STK32A: variants seen among roughly 807,000 people sequenced by gnomAD.
STK32A encodes the protein serine/threonine-protein kinase 32A.
In STK32A, 41 loss-of-function variants were observed where a neutral mutation model predicts 53.2. That is an observed-to-expected ratio of 0.77 (90% confidence interval 0.60 to 1.00). STK32A has a LOEUF of 1.00. STK32A is among the 50% of genes least tolerant of loss of function. The probability of loss-of-function intolerance (pLI) is 0.00; values close to 1 mark genes in which losing one functional copy is unlikely to be tolerated. For synonymous variants in STK32A, 166 were observed against 162.8 expected (o/e 1.02, Z -0.15); for missense variants, 458 against 485.8 (o/e 0.94, Z 0.54).
chr5:147,313,258 A>C (rs1038370941), intron 4 of STK32A, among the ~76,000 whole-genome samples: 1 of 152,018 alleles, frequency 6.6e-6, no homozygotes, highest in Non-Finnish European at 1.5e-5. Flanking sequence ...AAATAACAAC[A>C]ACAACAAACA....
intron 2 of STK32A, among the ~76,000 whole-genome samples, chr5:147,242,135 C>A (rs1255764945): frequency 1.3e-5 from 2 of 152,282 alleles, no homozygotes; most frequent in African/African-American, 2.4e-5. Context: ...AGGTCACCAC[C>A]TTTTCTGTTG....
chr5:147,357,419 A>G (rs892197227), intron 7 of STK32A, among the ~76,000 whole-genome samples: 22 of 152,084 alleles, frequency 1.4e-4, no homozygotes, highest in Admixed American at 9.2e-4. Flanking sequence ...CTCATTTTCT[A>G]TTAAGGTGTT....
At chr5:147,324,885 AC>A (rs1754503389) in intron 5 of STK32A, among the ~76,000 whole-genome samples, 2 of 152,196 alleles carry the variant, frequency 1.3e-5, no homozygotes, top group Admixed American at 1.3e-4. Flanking sequence ...TTGATGACTT[AC>A]TATGTGCCAG....
intron 2 of STK32A, among the ~76,000 whole-genome samples, chr5:147,254,997 G>T (rs960098143): frequency 6.6e-6 from 1 of 152,256 alleles, no homozygotes; most frequent in African/African-American, 2.4e-5. Context: ...AAAATTAGCT[G>T]GGCGTGGTGG....
intron 2 of STK32A, among the ~76,000 whole-genome samples, chr5:147,248,893 T>C (rs1753863709): frequency 6.6e-6 from 1 of 152,042 alleles, no homozygotes; most frequent in South Asian, 2.1e-4. Context: ...GTGGCAACCA[T>C]TTGCTGCCAA....
chr5:147,281,657 G>A (rs1383991971), intron 4 of STK32A, among the ~76,000 whole-genome samples: 3 of 151,898 alleles, frequency 2.0e-5, no homozygotes, highest in Non-Finnish European at 2.9e-5. Context: ...AGGAAGAAGA[G>A]AATTTTAAAA....
chr5:147,393,013 A>C, the STK32A span: 8 of 152,236 alleles, frequency 5.3e-5, no homozygotes, highest in African/African-American at 1.9e-4. Flanking sequence ...AATCAAACAC[A>C]AACTGCCTGT....
At chr5:147,249,590 T>A (rs1156307506) in intron 2 of STK32A, among the ~76,000 whole-genome samples, 1 of 152,012 alleles carries the variant, frequency 6.6e-6, no homozygotes, top group Admixed American at 6.6e-5. Flanking sequence ...GAGAACTCAT[T>A]TAAGTTGCTG....
At chr5:147,293,889 C>G (rs946012847) in intron 4 of STK32A, among the ~76,000 whole-genome samples, 1 of 145,782 alleles carries the variant, frequency 6.9e-6, no homozygotes, top group Non-Finnish European at 1.5e-5. Flanking sequence ...ATATAAAATT[C>G]TTATTCAAAG....
chr5:147,374,508 TA>T (rs1191616078), intron 10 of STK32A, among the ~76,000 whole-genome samples: 1 of 152,036 alleles, frequency 6.6e-6, no homozygotes, highest in African/African-American at 2.4e-5. Flanking sequence ...TGGGGTCCAT[TA>T]GGGGCAACTT....
chr5:147,255,718 AG>A (rs1262426813), intron 2 of STK32A, among the ~76,000 whole-genome samples: 7 of 152,228 alleles, frequency 4.6e-5, no homozygotes, highest in African/African-American at 1.7e-4. Context: ...CCATCTGGCT[AG>A]TAGCCCCTAA....
the STK32A span, among the ~76,000 whole-genome samples, chr5:147,396,960 T>A: frequency 2.7e-5 from 4 of 147,356 alleles, no homozygotes; most frequent in African/African-American, 9.9e-5. Context: ...ATACGCATTT[T>A]TGTTTTTAAT....
intron 4 of STK32A, among the ~76,000 whole-genome samples, chr5:147,298,895 A>G (rs1476728737): frequency 3.3e-5 from 5 of 152,204 alleles, no homozygotes; most frequent in Admixed American, 6.5e-5. Context: ...GCTTGAATAA[A>G]GTCTGAATCC....
intron 6 of STK32A, among the ~76,000 whole-genome samples, chr5:147,343,674 G>A (rs1475174919): frequency 6.6e-6 from 1 of 152,114 alleles, no homozygotes; most frequent in Non-Finnish European, 1.5e-5. Flanking sequence ...GGTGGTCATG[G>A]GTTTCTCCCC....
chr5:147,391,682 T>C (rs1314139464), downstream of STK32A: 1 of 152,196 alleles, frequency 6.6e-6, no homozygotes, highest in Non-Finnish European at 1.5e-5. Flanking sequence ...CAAATCTGAA[T>C]ATAAATTTTA....
chr5:147,393,089 A>G, the STK32A span: 3 of 151,640 alleles, frequency 2.0e-5, no homozygotes, highest in Non-Finnish European at 4.4e-5. Context: ...GAAGCATGCC[A>G]CTCTTCTCGG....
At chr5:147,357,919 G>A (rs1467383184) in intron 7 of STK32A, among the ~76,000 whole-genome samples, 2 of 151,988 alleles carry the variant, frequency 1.3e-5, no homozygotes, top group African/African-American at 4.8e-5. Context: ...ATATTCTGTA[G>A]ATTTCAAATC....
chr5:147,237,891 C>T (rs987626738), intron 1 of STK32A, among the ~76,000 whole-genome samples: 9 of 152,192 alleles, frequency 5.9e-5, no homozygotes, highest in Admixed American at 1.3e-4. Context: ...ATCCTTAACA[C>T]TTTCTCCAAT....
At position 147,370,678 on chromosome 5, in the gene STK32A, A is replaced by G; in HGVS notation, c.685A>G (p.Thr229Ala). 1 of 1,612,096 alleles carries G rather than the reference A, an allele frequency of 6.2e-7. No individual in the cohort carries two copies. Among genetic ancestry groups the G allele is most frequent in the Non-Finnish European group, 8.5e-7 (1 of 1,178,432 alleles). The change falls in exon 9 of 13, where the codon ACT becomes GCT. Residue 229 changes from threonine (T) to alanine (A), a missense_variant. By Grantham distance (58) the Thr-to-Ala change is moderately conservative. Transcript: ENST00000397936. ...GAGACCGTATCATATTCGCTCCAGT[A>G]CTTCCAGCAAGGAAATTGTACACAC... ...GRRPYHIRSSTSSKEIVHTFE... is the reference protein window; with the variant it reads ...GRRPYHIRSSASSKEIVHTFE...
Sources: allele counts gnomAD v4.1 joint callset (sites outside exome capture counted in the v4.1 genomes callset), GRCh38; gene constraint gnomAD v4.1.1; transcripts MANE v1.5; gene names NCBI Gene and HGNC (gene_info 2026-07-23, HGNC 2026-07-21).